Variants in RXFP1 observed in about 807,000 individuals in gnomAD.
The protein encoded by RXFP1 is relaxin receptor 1.
A neutral mutation model predicts 89.8 loss-of-function variants in RXFP1; 73 were observed. The observed-to-expected ratio is 0.81, with a 90% confidence interval of 0.67 to 0.99. RXFP1 has a LOEUF of 0.99. RXFP1 is among the 50% of genes least tolerant of loss of function. RXFP1 has a pLI of 0.00. For synonymous variants in RXFP1, 277 were observed against 305.5 expected (o/e 0.91, Z 0.97); for missense variants, 793 against 895.5 (o/e 0.89, Z 1.46).
chr4:158,577,811 T>C (rs1416049059), intron 2 of RXFP1, among the ~76,000 whole-genome samples: 1 of 152,188 alleles, frequency 6.6e-6, no homozygotes, highest in Non-Finnish European at 1.5e-5. Context: ...GAAAGAACTG[T>C]CACTTTTGTG....
chr4:158,629,415 G>A (rs1006719326), intron 11 of RXFP1, among the ~76,000 whole-genome samples: 13 of 152,044 alleles, frequency 8.6e-5, no homozygotes, highest in African/African-American at 3.1e-4. Context: ...CTATAATAAT[G>A]GAAGAGATAA....
chr4:158,638,138 T>C, intron 13 of RXFP1, 59 bp downstream of exon 13: 1 of 939,906 alleles, frequency 1.1e-6, no homozygotes, highest in Non-Finnish European at 1.6e-6. Context: ...ATACTAACAA[T>C]GTATATTTTT....
intron 6 of RXFP1, among the ~76,000 whole-genome samples, chr4:158,610,048 G>A (rs897540998): frequency 2.0e-5 from 3 of 152,098 alleles, no homozygotes; most frequent in East Asian, 1.9e-4. Context: ...GAAGGATCAC[G>A]AGGTCAGGAG....
chr4:158,572,709 G>T lies in RXFP1; in HGVS notation c.61G>T (p.Gly21Cys), dbSNP rs1240199718. 1 of 1,614,026 alleles carries T rather than the reference G, an allele frequency of 6.2e-7. No individual in the cohort carries two copies. Among genetic ancestry groups the T allele is most frequent in the Non-Finnish European group, 8.5e-7 (1 of 1,180,016 alleles). ...LIFGKYFSHG[G>C]GQDVKCSLGY... ...CCCCTTTTCCTCAGTTTCTCATGGGGGTGGACAGGATGTCAAGTGCTCCCT... is the reference window on the plus strand; with the variant it reads ...CCCCTTTTCCTCAGTTTCTCATGGGTGTGGACAGGATGTCAAGTGCTCCCT... Residue 21 changes from glycine (G) to cysteine (C), a missense_variant, in exon 2 of 18, where the codon GGT becomes TGT. By Grantham distance (159) the Gly-to-Cys change is radical. Transcript: ENST00000307765.
chr4:158,542,110 T>TATATATA (rs56793848), intron 1 of RXFP1, among the ~76,000 whole-genome samples: 189 of 13,632 alleles, frequency 0.014, no homozygotes, highest in African/African-American at 0.029. Flanking sequence ...TATATATATA[T>TATATATA]TTTTTTTTTA....
intron 1 of RXFP1, among the ~76,000 whole-genome samples, chr4:158,527,564 A>AAAAAAAAT: frequency 1.0e-5 from 1 of 98,328 alleles, no homozygotes; most frequent in East Asian, 3.2e-4. Context: ...AAAAAAAAAA[A>AAAAAAAAT]ATATATATAT....
At chr4:158,609,318 T>A (rs2150123664) in intron 6 of RXFP1, among the ~76,000 whole-genome samples, 1 of 152,308 alleles carries the variant, frequency 6.6e-6, no homozygotes, top group Non-Finnish European at 1.5e-5. Flanking sequence ...TTTCTCCACA[T>A]CCTCACCAAC....
At chr4:158,545,316 T>A (rs1748010839) in intron 1 of RXFP1, among the ~76,000 whole-genome samples, 1 of 152,208 alleles carries the variant, frequency 6.6e-6, no homozygotes, top group Non-Finnish European at 1.5e-5. Context: ...TTCTTGTAAA[T>A]TTGTTTGACT....
At position 158,633,501 on chromosome 4, in the gene RXFP1, C is replaced by A. The variant is rs545080178; in HGVS notation, c.971+25C>A. The A allele has an allele frequency of 1.1e-5, 15 of 1,414,848 alleles. No individual in the cohort carries two copies. In the East Asian group the frequency reaches 3.2e-4, roughly 30 times the overall value. 87.6% of individuals were successfully genotyped at this position (1,414,848 alleles called of 1,614,324 possible). On this transcript the variant is annotated intron_variant, in intron 12 of 17. Coordinates refer to ENST00000307765, the MANE Select transcript of RXFP1 (RefSeq NM_021634.4). Reference sequence around the variant, plus strand: ...TGTAAGACTGATGTTAATTTTGCCACCTCGTTTCTTTATTTTATTATTTTT... The same window carrying A: ...TGTAAGACTGATGTTAATTTTGCCAACTCGTTTCTTTATTTTATTATTTTT...
chr4:158,541,738 C>G (rs1318412752), intron 1 of RXFP1, among the ~76,000 whole-genome samples: 1 of 151,916 alleles, frequency 6.6e-6, no homozygotes, highest in Non-Finnish European at 1.5e-5. Flanking sequence ...ACATTATGAC[C>G]CTTCGCAAGC....
At chr4:158,560,382 C>A (rs1363242791) in intron 1 of RXFP1, among the ~76,000 whole-genome samples, 1 of 152,146 alleles carries the variant, frequency 6.6e-6, no homozygotes, top group Non-Finnish European at 1.5e-5. Context: ...AGCATGGACT[C>A]CTTCTATTGC....
At chr4:158,559,699 C>T (rs1035967673) in intron 1 of RXFP1, among the ~76,000 whole-genome samples, 15 of 152,164 alleles carry the variant, frequency 9.9e-5, no homozygotes, top group African/African-American at 2.4e-4. Flanking sequence ...GATGGTATCA[C>T]GCAAACTAGG....
chr4:158,540,966 G>T lies in RXFP1; in HGVS notation c.49+18941G>T, dbSNP rs7695167. 7.2e-5 allele frequency among the ~76,000 whole-genome samples: 11 copies of T among 152,132 alleles called. No homozygotes were observed. The East Asian group carries it at 7.7e-4, about 11-fold the overall frequency. On this transcript the variant is annotated intron_variant, in intron 1 of 17. Coordinates refer to ENST00000307765, the MANE Select transcript of RXFP1 (RefSeq NM_021634.4). Reference sequence around the variant, plus strand: ...AAATGCATTAAAATTAAACTTACCGGCAAGTAGATGTCATTAACAATATAA... The same window carrying T: ...AAATGCATTAAAATTAAACTTACCGTCAAGTAGATGTCATTAACAATATAA...
chr4:158,599,389 A>G lies in RXFP1; in HGVS notation c.350A>G (p.Asn117Ser). Residue 117 changes from asparagine (N) to serine (S), a missense_variant, in exon 4 of 18, where the codon AAT becomes AGT. Asn to Ser is a conservative substitution (Grantham distance 46, BLOSUM62 1). Coordinates refer to ENST00000307765, the MANE Select transcript of RXFP1 (RefSeq NM_021634.4). Reference protein sequence around the residue: ...QGLELDCDETNLRAVPSVSSN... With the variant: ...QGLELDCDETSLRAVPSVSSN... ...CTGGAGCTTGACTGTGATGAAACCAATTTACGAGCTGTTCCATCGGTTTCT... is the reference window on the plus strand; with the variant it reads ...CTGGAGCTTGACTGTGATGAAACCAGTTTACGAGCTGTTCCATCGGTTTCT... The G allele has an allele frequency of 6.2e-7, 1 of 1,613,740 alleles. No individual in the cohort carries two copies. Among genetic ancestry groups the G allele is most frequent in the Non-Finnish European group, 8.5e-7 (1 of 1,179,792 alleles).
At position 158,628,692 on chromosome 4, in the gene RXFP1, C is replaced by T; in HGVS notation, c.882C>T (p.Leu294=). 2.5e-6 allele frequency: 4 copies of T among 1,575,260 alleles called. No homozygotes were observed. The highest frequency in any genetic ancestry group is 1.7e-6 in the Non-Finnish European group (2 of 1,148,232). Residue 294 remains leucine, a synonymous_variant, in exon 11 of 18, where the codon CTC becomes CTT. Coordinates refer to ENST00000307765, the MANE Select transcript of RXFP1 (RefSeq NM_021634.4). The stretch of plus-strand genomic sequence containing the variant: ...TAAATGAAAATACTTTTGCACCTCT[C>T]CAGAAACTGGATGAATTGTAAGTAT... ...NHLNENTFAP[L]QKLDELDLGS...
chr4:158,567,495 G>C (rs1753844820), intron 1 of RXFP1, among the ~76,000 whole-genome samples: 4 of 151,806 alleles, frequency 2.6e-5, no homozygotes, highest in Admixed American at 2.6e-4. Context: ...CAGGGTTTGT[G>C]AATGCACCAA....
chr4:158,625,279 A>G (rs1766485142), intron 9 of RXFP1, among the ~76,000 whole-genome samples: 1 of 152,148 alleles, frequency 6.6e-6, no homozygotes, highest in African/African-American at 2.4e-5. Flanking sequence ...TCTAGAATCC[A>G]CATTTAAGAT....
chr4:158,582,532 C>G (rs956628430), intron 2 of RXFP1, among the ~76,000 whole-genome samples: 34 of 152,302 alleles, frequency 2.2e-4, no homozygotes, highest in African/African-American at 7.9e-4. Flanking sequence ...TCCAGTGCCT[C>G]TCCTGCCTAC....
intron 1 of RXFP1, among the ~76,000 whole-genome samples, chr4:158,530,917 C>T (rs1045260017): frequency 6.6e-6 from 1 of 152,162 alleles, no homozygotes; most frequent in African/African-American, 2.4e-5. Context: ...AAAATCTGTA[C>T]AAAGCTTTTT....
Sources: allele counts gnomAD v4.1 joint callset (sites outside exome capture counted in the v4.1 genomes callset), GRCh38; gene constraint gnomAD v4.1.1; transcripts MANE v1.5; gene names NCBI Gene and HGNC (gene_info 2026-07-23, HGNC 2026-07-21).